SLCO1B3: variants seen among roughly 807,000 people sequenced by gnomAD.
The protein encoded by SLCO1B3 is liver-specific organic anion transporter 2.
Under a neutral mutation model 71.8 loss-of-function variants are expected in SLCO1B3, and 72 were observed. The observed-to-expected ratio is 1.00, with a 90% CI of 0.83 to 1.22. The LOEUF is 1.22. Ranked by LOEUF, SLCO1B3 falls within the 50% of genes most tolerant of loss-of-function variation. SLCO1B3 has a pLI of 0.00. For synonymous variants in SLCO1B3, 298 were observed against 278.4 expected (o/e 1.07, Z -0.70); for missense variants, 911 against 819.7 (o/e 1.11, Z -1.36).
chr12:20,878,040 T>C, intron 10 of SLCO1B3, 104 bp downstream of exon 10: 1 of 757,904 alleles, frequency 1.3e-6, no homozygotes, highest in Non-Finnish European at 2.1e-6. Context: ...TTTTACTAAA[T>C]GTAATCTTAT....
At chr12:20,851,907 G>T (rs1486054903) in intron 3 of SLCO1B3, among the ~76,000 whole-genome samples, 4 of 65,764 alleles carry the variant, frequency 6.1e-5, no homozygotes, top group Non-Finnish European at 2.2e-4. Flanking sequence ...AATTGTTGAA[G>T]AGACTGGTTC....
intron 13 of SLCO1B3, among the ~76,000 whole-genome samples, chr12:20,890,174 C>T (rs930061307): frequency 2.6e-5 from 4 of 151,982 alleles, no homozygotes; most frequent in African/African-American, 7.3e-5. Flanking sequence ...CCACCTCAGC[C>T]TCCCAAAGTG....
In SLCO1B3 at chr12:20,862,746, A is replaced by G. The variant is rs372672236; in HGVS notation, c.629-10A>G. ...TGACATCTGATTAAATTGTTTTGTA[A>G]TACTTACAGGTAGTTTGAATGCAAT... On this transcript the variant is annotated splice_polypyrimidine_tract_variant and intron_variant, in intron 7 of 15. Transcript: ENST00000381545. 9.5e-5 allele frequency: 152 copies of G among 1,593,168 alleles called. No homozygotes were observed. The highest frequency in any genetic ancestry group is 1.2e-4 in the Non-Finnish European group (142 of 1,166,140).
intron 9 of SLCO1B3, among the ~76,000 whole-genome samples, 181 bp from the exon 10 acceptor site, chr12:20,877,591 C>T (rs1865606777): frequency 6.6e-6 from 1 of 151,924 alleles, no homozygotes; most frequent in Non-Finnish European, 1.5e-5. Flanking sequence ...TCCTATTTAC[C>T]TCAAAAATTT....
intron 3 of SLCO1B3, among the ~76,000 whole-genome samples, chr12:20,847,919 T>C (rs1189656327): frequency 1.3e-5 from 2 of 152,000 alleles, no homozygotes; most frequent in Non-Finnish European, 2.9e-5. Flanking sequence ...GTAAAAAAAC[T>C]GAAAGAAATT....
chr12:20,904,755 C>CTTTTTTTTTTTTT lies in SLCO1B3; in HGVS notation c.1865+3309_1865+3321dup, dbSNP rs775996155. 7.1e-5 allele frequency among the ~76,000 whole-genome samples: 4 copies of CTTTTTTTTTTTTT among 56,074 alleles called. 1 individual carries two copies. Among genetic ancestry groups the CTTTTTTTTTTTTT allele is most frequent in the African/African-American group, 3.6e-4 (4 of 11,246 alleles). The allele number at this position is 56,074 out of a possible 152,430, so 36.8% of individuals were successfully genotyped here. A position where few individuals can be genotyped will look rare whatever the true frequency, so the allele number is the denominator to read the frequency against. On this transcript the variant is annotated intron_variant, in intron 15 of 15. Transcript: ENST00000381545. The stretch of plus-strand genomic sequence containing the variant: ...GCAGACTTCTGCCTGGACATCCAGG[C>CTTTTTTTTTTTTT]TTTTTTTTTTTTTTTTTTTTTTTTT...
intron 9 of SLCO1B3, among the ~76,000 whole-genome samples, chr12:20,875,932 C>G (rs1048874969): frequency 1.6e-4 from 24 of 151,746 alleles, no homozygotes; most frequent in Non-Finnish European, 3.4e-4. Context: ...AATAAAGTAT[C>G]TTAAGTACTA....
At chr12:20,828,238 CT>C (rs201813818) in intron 3 of SLCO1B3, among the ~76,000 whole-genome samples, 22,690 of 150,570 alleles carry the variant, frequency 0.15, 1,895 homozygotes, top group African/African-American at 0.23. Flanking sequence ...CTCTAAGTGT[CT>C]AAACCACACC....
intron 8 of SLCO1B3, among the ~76,000 whole-genome samples, chr12:20,869,017 A>G (rs1865426023): frequency 6.6e-6 from 1 of 152,140 alleles, no homozygotes; most frequent in Non-Finnish European, 1.5e-5. Flanking sequence ...AAGGCGGACT[A>G]GGAACGTGAC....
chr12:20,872,073 A>T (rs2217696), intron 8 of SLCO1B3, among the ~76,000 whole-genome samples: 1 of 151,702 alleles, frequency 6.6e-6, no homozygotes, highest in Non-Finnish European at 1.5e-5. Flanking sequence ...CTGTTTTACT[A>T]TGGCTACGCT....
chr12:20,852,129 C>T (rs113696846), intron 3 of SLCO1B3, among the ~76,000 whole-genome samples: 8 of 152,244 alleles, frequency 5.3e-5, no homozygotes, highest in Middle Eastern at 3.4e-3. Context: ...ATTTTGGCTA[C>T]GCAGGGTGCC....
At chr12:20,887,526 A>T (rs1433008339) in intron 13 of SLCO1B3, among the ~76,000 whole-genome samples, 1 of 151,674 alleles carries the variant, frequency 6.6e-6, no homozygotes, top group African/African-American at 2.4e-5. Context: ...CTTTTGAAAA[A>T]TGTCTGTTCA....
chr12:20,848,565 A>T (rs1430158891), intron 3 of SLCO1B3, among the ~76,000 whole-genome samples: 1 of 152,166 alleles, frequency 6.6e-6, no homozygotes, highest in Non-Finnish European at 1.5e-5. Context: ...CATGATTGTC[A>T]TGACTTAAAA....
chr12:20,862,812 C>G lies in SLCO1B3; in HGVS notation c.685C>G (p.Leu229Val). Residue 229 changes from leucine (L) to valine (V), a missense_variant, in exon 8 of 16, where the codon CTG becomes GTG. Physicochemically the swap from Leu to Val is conservative, Grantham distance 32 (BLOSUM62 1). Transcript: ENST00000381545. ...GPVIGFALGS[L>V]FAKMYVDIGY... ...AGTCATTGGCTTTGCACTGGGATCT[C>G]TGTTTGCTAAAATGTACGTGGATAT... 2 of 1,611,534 alleles carry G rather than the reference C, an allele frequency of 1.2e-6. No individual in the cohort carries two copies. The highest frequency in any genetic ancestry group is 1.1e-5 in the South Asian group (1 of 90,984).
Position 20,893,381 on chromosome 12 carries a change from G to C in SLCO1B3, c.1683-5055G>C, listed in dbSNP as rs1165926538. On this transcript the variant is annotated intron_variant, in intron 13 of 15. Transcript: ENST00000381545. ...AATGAAAATTGTCAAGAAATGATGA[G>C]AGTTGTGATGTGCCATTCTATAGCT... is the stretch of plus-strand genomic sequence containing the variant. Among the ~76,000 whole-genome samples, 10 of 152,314 alleles carry C rather than the reference G, an allele frequency of 6.6e-5. No individual in the cohort carries two copies. In the East Asian group the frequency reaches 1.7e-3, roughly 26 times the overall value.
chr12:20,831,976 G>A (rs150663251), intron 3 of SLCO1B3, among the ~76,000 whole-genome samples: 2,248 of 152,188 alleles, frequency 0.015, 31 homozygotes, highest in Non-Finnish European at 0.026. Flanking sequence ...AAAAACCTAG[G>A]TATGGAAAAG....
intron 13 of SLCO1B3, among the ~76,000 whole-genome samples, chr12:20,885,480 A>G (rs2121320148): frequency 6.6e-6 from 1 of 150,772 alleles, no homozygotes; most frequent in Admixed American, 6.7e-5. Context: ...AAGCAAGTAA[A>G]TATGTAAAAC....
chr12:20,871,639 G>T (rs566726547), intron 8 of SLCO1B3, among the ~76,000 whole-genome samples: 1 of 152,230 alleles, frequency 6.6e-6, no homozygotes, highest in East Asian at 1.9e-4. Context: ...TACTGCCTTG[G>T]TGGCCTTGGA....
chr12:20,911,181 C>A (rs1339209723), intron 15 of SLCO1B3, among the ~76,000 whole-genome samples: 1 of 152,028 alleles, frequency 6.6e-6, no homozygotes, highest in Non-Finnish European at 1.5e-5. Context: ...TTGTCAAATG[C>A]ATTTTCTGCA....
Sources: allele counts gnomAD v4.1 joint callset (sites outside exome capture counted in the v4.1 genomes callset), GRCh38; gene constraint gnomAD v4.1.1; transcripts MANE v1.5; gene names NCBI Gene and HGNC (gene_info 2026-07-23, HGNC 2026-07-21).